The following ZCWPW2 variants were observed in gnomAD, a reference collection of about 807,000 sequenced individuals.
The protein encoded by ZCWPW2 is zinc finger CW-type and PWWP domain containing 2, also known as zinc finger CW-type PWWP domain protein 2.
Under a neutral mutation model 46.6 loss-of-function variants are expected in ZCWPW2, and 45 were observed. That is an observed-to-expected ratio of 0.96 (90% CI 0.76 to 1.24). The LOEUF is 1.24. Ranked by LOEUF, ZCWPW2 falls within the 50% of genes most tolerant of loss-of-function variation. ZCWPW2 has a pLI of 0.00. For synonymous variants in ZCWPW2, 152 were observed against 137.1 expected, an observed-to-expected ratio of 1.11 and a Z score of -0.76; for missense variants, 429 against 403.9, an observed-to-expected ratio of 1.06 and a Z score of -0.53.
intron 4 of ZCWPW2, among the ~76,000 whole-genome samples, chr3:28,450,750 G>C (rs1224391431): frequency 6.6e-6 from 1 of 151,998 alleles, no homozygotes; most frequent in Non-Finnish European, 1.5e-5. Flanking sequence ...ATTTTGGGGG[G>C]TACCAGAGAT....
intron 4 of ZCWPW2, chr3:28,447,849 C>A: frequency 9.6e-7 from 1 of 1,039,622 alleles, no homozygotes; most frequent in Non-Finnish European, 1.5e-6. Context: ...GGGAAAGCAC[C>A]AAATCTGCAT....
At chr3:28,430,683 G>T (rs947522922) in intron 3 of ZCWPW2, among the ~76,000 whole-genome samples, 2 of 152,144 alleles carry the variant, frequency 1.3e-5, no homozygotes, top group South Asian at 4.1e-4. Flanking sequence ...CCACAGGTTG[G>T]GGGTGGGACC....
intron 2 of ZCWPW2, among the ~76,000 whole-genome samples, chr3:28,400,907 T>C (rs1457928793): frequency 1.3e-5 from 2 of 152,078 alleles, no homozygotes; most frequent in African/African-American, 2.4e-5. Context: ...CGGCTGGGCA[T>C]GGTGGCTCAC....
chr3:28,434,323 C>T (rs1697394540), intron 3 of ZCWPW2, among the ~76,000 whole-genome samples: 1 of 151,900 alleles, frequency 6.6e-6, no homozygotes, highest in South Asian at 2.1e-4. Flanking sequence ...ATGACAGGAG[C>T]TCTCTGCTGC....
At chr3:28,477,280 T>G (rs1699267154) in intron 4 of ZCWPW2, among the ~76,000 whole-genome samples, 1 of 152,222 alleles carries the variant, frequency 6.6e-6, no homozygotes, top group Non-Finnish European at 1.5e-5. Context: ...ACTTACTTAA[T>G]GAATGAAATT....
At chr3:28,360,349 CAAAAAAAAAAAAA>C (rs71087692) in intron 1 of ZCWPW2, among the ~76,000 whole-genome samples, 2 of 53,926 alleles carry the variant, frequency 3.7e-5, no homozygotes, top group Non-Finnish European at 6.7e-5. Flanking sequence ...ACTAAAAATA[CAAAAAAAAAAAAA>C]AAAAAAAAAA....
At chr3:28,451,073 G>A (rs1440742628) in intron 4 of ZCWPW2, among the ~76,000 whole-genome samples, 1 of 152,090 alleles carries the variant, frequency 6.6e-6, no homozygotes, top group African/African-American at 2.4e-5. Context: ...ATGGCACAGT[G>A]ACTGGTAATG....
At chr3:28,433,717 T>C (rs1033217026) in intron 3 of ZCWPW2, among the ~76,000 whole-genome samples, 2 of 151,048 alleles carry the variant, frequency 1.3e-5, no homozygotes, top group Non-Finnish European at 2.9e-5. Flanking sequence ...GATCACACCA[T>C]TGGACTCCAG....
intron 3 of ZCWPW2, among the ~76,000 whole-genome samples, chr3:28,426,808 T>C (rs1280556291): frequency 1.3e-5 from 2 of 152,216 alleles, no homozygotes; most frequent in African/African-American, 2.4e-5. Flanking sequence ...TGCTCTCCAC[T>C]TATACATCCA....
Position 28,369,111 on chromosome 3 carries a change from C to G in ZCWPW2, c.-134+19908C>G, listed in dbSNP as rs568151525. 7.2e-5 allele frequency among the ~76,000 whole-genome samples: 11 copies of G among 152,194 alleles called. No homozygotes were observed. The East Asian group carries it at 1.7e-3, about 24-fold the overall frequency. ...TCTTTGTGATGGGTTCGAACTTCCT[C>G]CTTTAGCTCGGAGTAGTTTGATCAT... On this transcript the variant is annotated intron_variant, in intron 1 of 9. Coordinates refer to ENST00000383768, the MANE Select transcript of ZCWPW2 (RefSeq NM_001040432.4).
At chr3:28,468,711 T>C (rs1698922369) in intron 4 of ZCWPW2, among the ~76,000 whole-genome samples, 1 of 152,130 alleles carries the variant, frequency 6.6e-6, no homozygotes, top group South Asian at 2.1e-4. Context: ...GAATAGCATA[T>C]CTAGCAAAAA....
intron 6 of ZCWPW2, among the ~76,000 whole-genome samples, chr3:28,500,951 T>C (rs1700126047): frequency 6.6e-6 from 1 of 152,168 alleles, no homozygotes; most frequent in African/African-American, 2.4e-5. Flanking sequence ...GTATTCTACT[T>C]TGTGGGCATC....
chr3:28,410,218 C>A (rs1344340778), intron 2 of ZCWPW2, among the ~76,000 whole-genome samples: 2 of 152,014 alleles, frequency 1.3e-5, no homozygotes, highest in South Asian at 4.1e-4. Flanking sequence ...AGAAACCTGA[C>A]AAAATTATGG....
At chr3:28,369,323 G>A (rs1009078275) in intron 1 of ZCWPW2, among the ~76,000 whole-genome samples, 1 of 152,146 alleles carries the variant, frequency 6.6e-6, no homozygotes, top group African/African-American at 2.4e-5. Flanking sequence ...GTGACGTACA[G>A]ATGGGGTTTT....
chr3:28,412,656 G>A (rs2125740376), intron 2 of ZCWPW2, among the ~76,000 whole-genome samples: 1 of 152,130 alleles, frequency 6.6e-6, no homozygotes, highest in African/African-American at 2.4e-5. Context: ...GACTATATGA[G>A]CCATGTGTAT....
rs1351076877 is a variant in ZCWPW2 at position 28,523,240 on chromosome 3, C to T, written c.910-1287C>T. ...TGCCTCCTGGTTACTGATTCATAAG[C>T]ACTCTGCACCCTGAGCTTTGTAAGT... On this transcript the variant is annotated intron_variant, in intron 9 of 9. Transcript: ENST00000383768. 2.0e-5 allele frequency among the ~76,000 whole-genome samples: 3 copies of T among 152,194 alleles called. No individual in the cohort carries two copies. In the East Asian group the frequency reaches 5.8e-4, roughly 29 times the overall value.
chr3:28,512,846 C>T (rs1053157211), intron 6 of ZCWPW2, among the ~76,000 whole-genome samples: 2 of 151,386 alleles, frequency 1.3e-5, no homozygotes, highest in African/African-American at 4.9e-5. Flanking sequence ...TGAAGTTGTT[C>T]ATTATAGTTT....
intron 8 of ZCWPW2, among the ~76,000 whole-genome samples, chr3:28,519,443 G>A (rs952055639): frequency 2.0e-5 from 3 of 152,258 alleles, no homozygotes; most frequent in South Asian, 2.1e-4. Context: ...CTTGTGTTAT[G>A]AAAAATATAA....
intron 6 of ZCWPW2, among the ~76,000 whole-genome samples, chr3:28,493,478 C>T (rs1559528342): frequency 8.4e-6 from 1 of 118,790 alleles, no homozygotes; most frequent in Non-Finnish European, 1.9e-5. Context: ...AGGACATGAA[C>T]TCATCATTTT....
Sources: gnomAD v4.1 joint callset for allele counts (sites outside exome capture counted in the v4.1 genomes callset) on GRCh38, gnomAD v4.1.1 for gene constraint, MANE v1.5 for transcripts, NCBI Gene and HGNC (gene_info 2026-07-23, HGNC 2026-07-21) for gene names.